PHACTR4: variants seen among roughly 807,000 people sequenced by gnomAD.
PHACTR4 encodes the protein phosphatase and actin regulator 4.
Under a neutral mutation model 72.7 loss-of-function variants are expected in PHACTR4, and 51 were observed. The observed-to-expected ratio is 0.70, with a 90% CI of 0.56 to 0.89. The LOEUF (loss-of-function observed/expected upper bound fraction) is 0.89, where lower values mean the gene tolerates loss of function less well. Among genes scored for constraint, PHACTR4 ranks in the 40% least tolerant of loss-of-function variants. PHACTR4 has a pLI of 0.00. For missense variants in PHACTR4, 731 were observed against 861.8 expected (o/e 0.85, Z 1.90); for synonymous variants, 255 against 302.5 (o/e 0.84, Z 1.63).
chr1:28,396,784 G>A (rs1234881651), intron 1 of PHACTR4, among the ~76,000 whole-genome samples: 24 of 148,924 alleles, frequency 1.6e-4, no homozygotes, highest in Admixed American at 1.5e-3. Context: ...TCAGCCTCCT[G>A]AGTAGCTGAG....
At chr1:28,391,821 G>A (rs1653069493) in intron 1 of PHACTR4, among the ~76,000 whole-genome samples, 1 of 151,824 alleles carries the variant, frequency 6.6e-6, no homozygotes, top group African/African-American at 2.4e-5. Context: ...TGGTCAGGCT[G>A]ATCTCAAACT....
At chr1:28,477,305 C>T (rs1406815200) in intron 8 of PHACTR4, among the ~76,000 whole-genome samples, 1 of 151,566 alleles carries the variant, frequency 6.6e-6, no homozygotes, top group Non-Finnish European at 1.5e-5. Context: ...CCAGGCTGGT[C>T]TCGAACTCGA....
chr1:28,414,590 C>T (rs1030630381), intron 2 of PHACTR4, among the ~76,000 whole-genome samples: 57 of 152,100 alleles, frequency 3.7e-4, no homozygotes, highest in African/African-American at 1.3e-3. Flanking sequence ...GTTGCCCAGG[C>T]TGGTCTTGAA....
intron 1 of PHACTR4, among the ~76,000 whole-genome samples, chr1:28,399,852 A>T (rs1282463760): frequency 6.6e-6 from 1 of 152,228 alleles, no homozygotes; most frequent in African/African-American, 2.4e-5. Flanking sequence ...AGGGAGTCAC[A>T]CTTGAGTGAC....
chr1:28,421,357 G>A (rs867474395), intron 2 of PHACTR4, among the ~76,000 whole-genome samples: 2 of 151,856 alleles, frequency 1.3e-5, no homozygotes, highest in South Asian at 4.2e-4. Flanking sequence ...GGTGCTGATG[G>A]CCTCTAATCC....
At chr1:28,438,582 C>A in intron 2 of PHACTR4, 2 of 776,166 alleles carry the variant, frequency 2.6e-6, no homozygotes, top group Non-Finnish European at 3.8e-6. Context: ...TGAAGTCATG[C>A]GGAACATGGC....
intron 2 of PHACTR4, among the ~76,000 whole-genome samples, chr1:28,442,910 T>C (rs1289060035): frequency 6.6e-5 from 10 of 152,178 alleles, no homozygotes; most frequent in Non-Finnish European, 1.3e-4. Flanking sequence ...ATATTCATCA[T>C]CTCCAACATG....
intron 8 of PHACTR4, among the ~76,000 whole-genome samples, chr1:28,477,088 ATT>A (rs761589104): frequency 3.1e-5 from 4 of 129,570 alleles, no homozygotes; most frequent in Non-Finnish European, 1.7e-5. Context: ...TATATATATA[ATT>A]TTTTTTTTTT....
At position 28,493,062 on chromosome 1, in the gene PHACTR4, G is replaced by A. The variant is rs751444941; in HGVS notation, c.2064G>A (p.Glu688=). 1 of 1,613,546 alleles carries A rather than the reference G, an allele frequency of 6.2e-7. No individual in the cohort carries two copies. The highest frequency in any genetic ancestry group is 1.3e-5 in the African/African-American group (1 of 75,026). The stretch of plus-strand genomic sequence containing the variant: ...ATGAATTTAAAAGCTCCGAGATGGA[G>A]GTTCATGAAGAGAGCAAACATTTTA... ...ELNEFKSSEM[E]VHEESKHFTR... is the part of the protein sequence containing the mutation. Residue 688 remains glutamate (E), a synonymous_variant, in exon 13 of 14, where the codon GAG becomes GAA. Coordinates refer to ENST00000373839, the MANE Select transcript of PHACTR4 (RefSeq NM_001048183.3).
chr1:28,453,833 C>T (rs896103393), intron 2 of PHACTR4: 3 of 883,032 alleles, frequency 3.4e-6, no homozygotes, highest in Admixed American at 3.6e-5. Context: ...GCACAAAAGG[C>T]TTTTGAAGCT....
intron 8 of PHACTR4, among the ~76,000 whole-genome samples, chr1:28,477,450 G>A (rs1275630435): frequency 6.6e-6 from 1 of 151,780 alleles, no homozygotes; most frequent in Non-Finnish European, 1.5e-5. Context: ...TAGGATTACA[G>A]GCATGAGCCA....
At chr1:28,394,582 C>T (rs2124210509) in intron 1 of PHACTR4, among the ~76,000 whole-genome samples, 1 of 150,844 alleles carries the variant, frequency 6.6e-6, no homozygotes, top group Non-Finnish European at 1.5e-5. Flanking sequence ...TGAGCCACCT[C>T]TCCTGGCCAT....
chr1:28,461,939 A>G (rs909988363), intron 4 of PHACTR4, among the ~76,000 whole-genome samples: 4 of 151,872 alleles, frequency 2.6e-5, no homozygotes, highest in African/African-American at 9.7e-5. Context: ...ATTAGGACAC[A>G]AAATCTTCTC....
chr1:28,411,103 A>G (rs1019760925), intron 2 of PHACTR4, among the ~76,000 whole-genome samples: 7 of 151,480 alleles, frequency 4.6e-5, no homozygotes, highest in Non-Finnish European at 8.8e-5. Flanking sequence ...CTGGAGTACA[A>G]TGGTGTGATC....
chr1:28,486,558 C>T (rs1441151237), intron 9 of PHACTR4, among the ~76,000 whole-genome samples: 4 of 151,174 alleles, frequency 2.6e-5, no homozygotes, highest in Non-Finnish European at 5.9e-5. Context: ...TTTGTTTTTC[C>T]GAAGAACATT....
chr1:28,395,638 CTTTTT>C (rs67388349), intron 1 of PHACTR4, among the ~76,000 whole-genome samples: 1 of 112,454 alleles, frequency 8.9e-6, no homozygotes, highest in African/African-American at 3.9e-5. Context: ...TTAAGCATAA[CTTTTT>C]TTTTTTTTTT....
At chr1:28,426,721 C>CT (rs34171573) in intron 2 of PHACTR4, among the ~76,000 whole-genome samples, 54,509 of 142,272 alleles carry the variant, frequency 0.38, 11,658 homozygotes, top group African/African-American at 0.59. Context: ...TACTGGAAGA[C>CT]TTTTTTTTTT....
At chr1:28,407,161 G>A (rs1364975723) in intron 1 of PHACTR4, among the ~76,000 whole-genome samples, 8 of 150,384 alleles carry the variant, frequency 5.3e-5, no homozygotes, top group African/African-American at 2.0e-4. Context: ...GTCTCAGGCT[G>A]TTGTAATCCT....
chr1:28,439,999 T>C (rs1057272375), intron 2 of PHACTR4, among the ~76,000 whole-genome samples: 4 of 152,148 alleles, frequency 2.6e-5, no homozygotes, highest in African/African-American at 9.7e-5. Context: ...ATCTATATAC[T>C]GTATTAAAAA....
Sources: allele counts gnomAD v4.1 joint callset (sites outside exome capture counted in the v4.1 genomes callset), GRCh38; gene constraint gnomAD v4.1.1; transcripts MANE v1.5; gene names NCBI Gene and HGNC (gene_info 2026-07-23, HGNC 2026-07-21).